The following IGHMBP2 variants were observed in gnomAD, a reference collection of about 807,000 sequenced individuals.
IGHMBP2 encodes DNA-binding protein SMUBP-2.
Under a neutral mutation model 96.0 loss-of-function variants are expected in IGHMBP2, and 81 were observed. The ratio of observed to expected loss-of-function variants is 0.84; its 90% CI spans 0.71 to 1.01. IGHMBP2 has a LOEUF of 1.01. Ranked by LOEUF, IGHMBP2 falls within the 50% of genes least tolerant of loss-of-function variation. IGHMBP2 has a pLI of 0.00. For synonymous variants in IGHMBP2, 557 were observed against 548.9 expected, an observed-to-expected ratio of 1.01 and a Z score of -0.21; for missense variants, 1,227 against 1,306.3, an observed-to-expected ratio of 0.94 and a Z score of 0.94.
At chr11:68,928,777 T>A (rs533855242) in intron 7 of IGHMBP2, among the ~76,000 whole-genome samples, 1 of 150,140 alleles carries the variant, frequency 6.7e-6, no homozygotes, top group South Asian at 2.1e-4. Flanking sequence ...ACATGGAGGC[T>A]TTTTTCTGGG....
intron 4 of IGHMBP2, 36 bp from the exon 5 acceptor site, chr11:68,911,404 G>A (rs1375262556): frequency 1.2e-6 from 2 of 1,609,720 alleles, no homozygotes. Flanking sequence ...GAGCTCCCCA[G>A]AGCACCTGAG....
chr11:68,916,629 C>G (rs996793698), intron 6 of IGHMBP2, among the ~76,000 whole-genome samples: 14 of 152,078 alleles, frequency 9.2e-5, no homozygotes, highest in Admixed American at 9.2e-4. Context: ...CCCTCGGTGT[C>G]CTAACCTCGG....
At position 68,940,108 on chromosome 11, in the gene IGHMBP2, C is replaced by T. The variant is rs1301221642; in HGVS notation, c.*377C>T. On this transcript the variant is annotated 3_prime_UTR_variant, in exon 15 of 15. Coordinates refer to ENST00000255078, the MANE Select transcript of IGHMBP2 (RefSeq NM_002180.3). ...AATGTCTGGGACTTGCCAGCTCAGC[C>T]CGTTAGGATGAGGGTGCTGAGAGGA... The T allele has an allele frequency of 1.6e-5, 4 of 245,940 alleles. No individual in the cohort carries two copies. The Admixed American group carries it at 2.0e-4, about 12-fold the overall frequency. 15.2% of individuals were successfully genotyped at this position (245,940 alleles called of 1,614,324 possible). A position where few individuals can be genotyped will look rare whatever the true frequency, so the allele number is the denominator to read the frequency against.
intron 7 of IGHMBP2, among the ~76,000 whole-genome samples, chr11:68,920,221 C>T (rs1858828882): frequency 6.6e-6 from 1 of 152,084 alleles, no homozygotes; most frequent in African/African-American, 2.4e-5. Context: ...TCCATGTTGT[C>T]CAGCTTTCTT....
At chr11:68,909,847 G>A (rs909448775) in intron 4 of IGHMBP2, among the ~76,000 whole-genome samples, 3 of 151,626 alleles carry the variant, frequency 2.0e-5, no homozygotes, top group Non-Finnish European at 4.4e-5. Context: ...GGTCGGGCCG[G>A]TCTTGAACTC....
At chr11:68,907,119 G>C (rs112010871) in intron 2 of IGHMBP2, among the ~76,000 whole-genome samples, 1 of 152,098 alleles carries the variant, frequency 6.6e-6, no homozygotes, top group African/African-American at 2.4e-5. Context: ...AAATTAGCCA[G>C]ATGTGGTGGT....
chr11:68,908,083 T>TA, intron 2 of IGHMBP2, 62 bp from the exon 3 acceptor site: 1 of 1,289,820 alleles, frequency 7.8e-7, no homozygotes, highest in Non-Finnish European at 1.1e-6. Context: ...TGGATTTTAT[T>TA]ACAGAAAATG....
intron 7 of IGHMBP2, among the ~76,000 whole-genome samples, chr11:68,918,297 G>GT (rs1273533939): frequency 2.7e-4 from 39 of 146,114 alleles, no homozygotes; most frequent in African/African-American, 7.0e-4. Context: ...TGGCTGGAGG[G>GT]TTTTTTTTTT....
In IGHMBP2 at chr11:68,939,802, G is replaced by A. The variant is rs11819814; in HGVS notation, c.*71G>A. ...CCAGGGCGCTGGCAGACCATGCTCCGCCTCCACCAGGGCCACAGAGGAGCG... is the reference window on the plus strand; with the variant it reads ...CCAGGGCGCTGGCAGACCATGCTCCACCTCCACCAGGGCCACAGAGGAGCG... On this transcript the variant is annotated 3_prime_UTR_variant, in exon 15 of 15. Transcript: ENST00000255078. The A allele has an allele frequency of 4.2e-4, 619 of 1,470,264 alleles. 3 individuals carry two copies. In the African/African-American group the frequency reaches 7.3e-3, roughly 17 times the overall value. 91.1% of individuals were successfully genotyped at this position (1,470,264 alleles called of 1,614,324 possible). A position where few individuals can be genotyped will look rare whatever the true frequency, so the allele number is the denominator to read the frequency against.
In IGHMBP2 at chr11:68,936,721, T is replaced by G. The variant is rs747755991; in HGVS notation, c.2241T>G (p.Pro747=). The change falls in exon 13 of 15, where the codon CCT becomes CCG. Residue 747 remains proline, a synonymous_variant. Transcript: ENST00000255078. ...GCAAGAAGATGCAGTTGGAGTTTCC[T>G]CCTTCCCTCAATTCCCACGACAGGC... is the stretch of plus-strand genomic sequence containing the variant. The part of the protein sequence containing the change: ...MASKKMQLEF[P]PSLNSHDRLR... 1.9e-6 allele frequency: 3 copies of G among 1,614,062 alleles called. No individual in the cohort carries two copies. The highest frequency in any genetic ancestry group is 2.5e-6 in the Non-Finnish European group (3 of 1,180,040).
At chr11:68,924,697 C>T (rs1391408110) in intron 7 of IGHMBP2, among the ~76,000 whole-genome samples, 1 of 152,206 alleles carries the variant, frequency 6.6e-6, no homozygotes, top group Non-Finnish European at 1.5e-5. Flanking sequence ...AATGGGTTAT[C>T]GTCTTATGTA....
At chr11:68,939,380 G>T (rs569777) in intron 14 of IGHMBP2, among the ~76,000 whole-genome samples, 154 bp from the exon 15 acceptor site, 3 of 152,080 alleles carry the variant, frequency 2.0e-5, no homozygotes, top group African/African-American at 2.4e-5. Context: ...CCGCTCTCCC[G>T]CCAGGCAGCC....
At chr11:68,916,471 C>A (rs1454060443) in intron 6 of IGHMBP2, among the ~76,000 whole-genome samples, 2 of 152,156 alleles carry the variant, frequency 1.3e-5, no homozygotes, top group African/African-American at 4.8e-5. Flanking sequence ...GTGCTCACGT[C>A]CTGTCCTGTG....
At position 68,905,115 on chromosome 11, in the gene IGHMBP2, C is replaced by G. The variant is rs182241969; in HGVS notation, c.87-954C>G. 7.9e-5 allele frequency among the ~76,000 whole-genome samples: 12 copies of G among 152,312 alleles called. No homozygotes were observed. The East Asian group carries it at 1.4e-3, about 17-fold the overall frequency. On this transcript the variant is annotated intron_variant, in intron 1 of 14. Transcript: ENST00000255078. ...CCGGCCGCAGTGTAGGTTTCTGTTA[C>G]TGTCATTTTCCGTCTAAGGAGATGG...
At position 68,906,070 on chromosome 11, in the gene IGHMBP2, T is replaced by A; in HGVS notation, c.88T>A (p.Ser30Thr). The change falls in exon 2 of 15, where the codon TCC becomes ACC. Residue 30 changes from serine (S) to threonine (T), a missense_variant and splice_region_variant. This residue lies in a region of IGHMBP2 where 507 missense variants were observed against 496.9 expected (regional missense o/e 1.02). Coordinates refer to ENST00000255078, the MANE Select transcript of IGHMBP2 (RefSeq NM_002180.3). ...ERDAEVEERR[S>T]WQENISLKEL... The stretch of plus-strand genomic sequence containing the variant: ...GCATCAATACCGGGTGTCTTCCAGG[T>A]CCTGGCAGGAGAACATCTCTCTGAA... The A allele has an allele frequency of 6.2e-7, 1 of 1,614,056 alleles. No individual in the cohort carries two copies. The highest frequency in any genetic ancestry group is 8.5e-7 in the Non-Finnish European group (1 of 1,179,978).
intron 7 of IGHMBP2, among the ~76,000 whole-genome samples, chr11:68,924,249 A>G (rs1056239386): frequency 6.6e-6 from 1 of 151,960 alleles, no homozygotes; most frequent in Non-Finnish European, 1.5e-5. Context: ...AGGAGAGAGC[A>G]CTCCCGTTAC....
intron 7 of IGHMBP2, among the ~76,000 whole-genome samples, chr11:68,925,349 A>G (rs986007884): frequency 4.1e-4 from 62 of 151,894 alleles, no homozygotes; most frequent in Non-Finnish European, 1.0e-4. Context: ...GGATTTCACC[A>G]TGTTGGCCAG....
intron 4 of IGHMBP2, among the ~76,000 whole-genome samples, chr11:68,910,841 C>A (rs1488712084): frequency 6.7e-6 from 1 of 148,700 alleles, no homozygotes; most frequent in East Asian, 2.0e-4. Flanking sequence ...TGAGATCATG[C>A]CATTGCACTC....
Position 68,914,965 on chromosome 11 carries a change from C to T in IGHMBP2, c.854C>T (p.Ala285Val), listed in dbSNP as rs201188656. The T allele has an allele frequency of 3.3e-5, 54 of 1,613,970 alleles. No individual in the cohort carries two copies. Among genetic ancestry groups the T allele is most frequent in the South Asian group, 6.6e-5 (6 of 91,070 alleles). The change falls in exon 6 of 15, where the codon GCG (alanine) becomes GTG (valine). Residue 285 changes from alanine to valine, a missense_variant. Ala to Val is a moderately conservative substitution (Grantham distance 64). This residue lies in a region of IGHMBP2 where 507 missense variants were observed against 496.9 expected (regional missense o/e 1.02). Coordinates refer to ENST00000255078, the MANE Select transcript of IGHMBP2 (RefSeq NM_002180.3). ...IQQHSLDAVL[A>V]RSDSAQIVAD... ...CAGCACTCCCTGGATGCGGTTTTAG[C>T]GCGGAGCGACAGTGCCCAGATTGTT...
Sources: gnomAD v4.1 joint callset for allele counts (sites outside exome capture counted in the v4.1 genomes callset) on GRCh38, gnomAD v4.1.1 for gene constraint, gnomAD v4.1.1 regional missense constraint, MANE v1.5 for transcripts, NCBI Gene and HGNC (gene_info 2026-07-23, HGNC 2026-07-21) for gene names.